CTNNA3: variants seen among roughly 807,000 people sequenced by gnomAD.
The protein encoded by CTNNA3 is catenin alpha 3, also known as catenin alpha-3.
A neutral mutation model predicts 95.7 loss-of-function variants in CTNNA3; 76 were observed. That is an observed-to-expected ratio of 0.79 (90% CI 0.66 to 0.96). The LOEUF (loss-of-function observed/expected upper bound fraction) is 0.96. Ranked by LOEUF, CTNNA3 falls within the 40% of genes least tolerant of loss-of-function variation. CTNNA3 has a pLI of 0.00. For synonymous variants in CTNNA3, 431 were observed against 374.4 expected (o/e 1.15, Z -1.74); for missense variants, 1,191 against 1,089.8 (o/e 1.09, Z -1.31).
intron 17 of CTNNA3, among the ~76,000 whole-genome samples, chr10:65,956,037 A>T (rs184729518): frequency 3.6e-4 from 55 of 152,152 alleles, no homozygotes; most frequent in African/African-American, 1.3e-3. Context: ...TTTGGTTGGT[A>T]TGCTATTAAT....
intron 9 of CTNNA3, among the ~76,000 whole-genome samples, chr10:66,747,350 G>C (rs1021952240): frequency 6.6e-5 from 10 of 152,150 alleles, no homozygotes; most frequent in Non-Finnish European, 1.3e-4. Context: ...ATGGTTAATA[G>C]CAGCCACACT....
intron 7 of CTNNA3, among the ~76,000 whole-genome samples, chr10:66,846,815 A>G (rs1423905817): frequency 1.3e-5 from 2 of 152,210 alleles, no homozygotes; most frequent in African/African-American, 4.8e-5. Flanking sequence ...GATACCAGGA[A>G]TATTATAAAT....
chr10:67,333,428 T>C (rs1193602425), intron 5 of CTNNA3, among the ~76,000 whole-genome samples: 1 of 152,232 alleles, frequency 6.6e-6, no homozygotes, highest in African/African-American at 2.4e-5. Flanking sequence ...TTTATGGTAA[T>C]TGCAGTTTTA....
chr10:67,337,221 C>T (rs1360679986), intron 5 of CTNNA3, among the ~76,000 whole-genome samples: 1 of 152,056 alleles, frequency 6.6e-6, no homozygotes, highest in African/African-American at 2.4e-5. Context: ...TCAGCATTAA[C>T]AGGAGTTTGG....
At chr10:67,032,231 T>C (rs1853771686) in intron 7 of CTNNA3, among the ~76,000 whole-genome samples, 1 of 152,136 alleles carries the variant, frequency 6.6e-6, no homozygotes, top group Non-Finnish European at 1.5e-5. Context: ...CTACTTTGAC[T>C]CCAGAACTGA....
At chr10:66,659,665 T>C (rs1440810872) in intron 9 of CTNNA3, among the ~76,000 whole-genome samples, 2 of 152,124 alleles carry the variant, frequency 1.3e-5, no homozygotes, top group Non-Finnish European at 2.9e-5. Flanking sequence ...CCCTCATGAA[T>C]GGGATTAGTG....
intron 7 of CTNNA3, among the ~76,000 whole-genome samples, chr10:66,899,625 G>A (rs1845644334): frequency 6.6e-6 from 1 of 152,034 alleles, no homozygotes; most frequent in Non-Finnish European, 1.5e-5. Context: ...GACTGTACCG[G>A]GAAAAACGGT....
Position 67,134,908 on chromosome 10 carries a change from T to C in CTNNA3, c.1047+45409A>G, listed in dbSNP as rs573686404. 2.0e-5 allele frequency among the ~76,000 whole-genome samples: 3 copies of C among 152,064 alleles called. No homozygotes were observed. The South Asian group carries it at 6.2e-4, about 32-fold the overall frequency. On this transcript the variant is annotated intron_variant, in intron 7 of 17. Transcript: ENST00000433211. ...GTAGACACAGAAGTAAAAGGCAAGG[T>C]GAGTGATTGCCCACTACCACCGCTG...
At chr10:66,865,667 C>T (rs1844146199) in intron 7 of CTNNA3, among the ~76,000 whole-genome samples, 1 of 151,896 alleles carries the variant, frequency 6.6e-6, no homozygotes, top group Non-Finnish European at 1.5e-5. Context: ...AAGATGTATT[C>T]ACACAAGATA....
At chr10:66,447,996 C>T (rs957374925) in intron 11 of CTNNA3, among the ~76,000 whole-genome samples, 7 of 152,030 alleles carry the variant, frequency 4.6e-5, no homozygotes, top group Non-Finnish European at 2.9e-5. Flanking sequence ...AACAAACAAC[C>T]CCATCAAAAA....
At chr10:67,739,074 T>A (rs1175817488) in intron 1 of CTNNA3, among the ~76,000 whole-genome samples, 1 of 152,022 alleles carries the variant, frequency 6.6e-6, no homozygotes, top group Non-Finnish European at 1.5e-5. Flanking sequence ...AACATTCAAA[T>A]TCAGGAAATA....
intron 3 of CTNNA3, among the ~76,000 whole-genome samples, chr10:67,597,109 CA>C (rs1842955158): frequency 6.6e-6 from 1 of 152,188 alleles, no homozygotes; most frequent in South Asian, 2.1e-4. Flanking sequence ...TCAGCTCTAT[CA>C]GATCAGTTTG....
At chr10:66,516,150 G>A (rs757396252) in intron 11 of CTNNA3, among the ~76,000 whole-genome samples, 1 of 151,510 alleles carries the variant, frequency 6.6e-6, no homozygotes, top group Non-Finnish European at 1.5e-5. Flanking sequence ...AAGATCTAGA[G>A]GGCCAGCTAG....
At chr10:67,530,705 A>G (rs1840298589) in intron 4 of CTNNA3, among the ~76,000 whole-genome samples, 1 of 152,238 alleles carries the variant, frequency 6.6e-6, no homozygotes, top group African/African-American at 2.4e-5. Flanking sequence ...AGAAATTTGC[A>G]TAAGTAATGA....
chr10:67,037,972 G>A (rs1414414867), intron 7 of CTNNA3, among the ~76,000 whole-genome samples: 2 of 152,014 alleles, frequency 1.3e-5, no homozygotes, highest in African/African-American at 4.8e-5. Context: ...TCATTAAGGG[G>A]ATTAACATGA....
intron 13 of CTNNA3, among the ~76,000 whole-genome samples, chr10:66,142,001 T>C (rs1211458970): frequency 6.6e-6 from 1 of 152,158 alleles, no homozygotes; most frequent in African/African-American, 2.4e-5. Flanking sequence ...AGCAGAAAGC[T>C]TACATTTTAA....
rs553195497 is a variant in CTNNA3, at chr10:66,961,554, G to T, written c.1048-186030C>A. Among the ~76,000 whole-genome samples the T allele has an allele frequency of 1.8e-3, 278 of 152,060 alleles. 1 individual carries two copies. The highest frequency in any genetic ancestry group is 3.5e-3 in the Non-Finnish European group (240 of 67,966). ...ACCTCTTAATGTTGGGGTGTCCCAG[G>T]TTAGCCCTTGGACCTTCTCTTTTGT... On this transcript the variant is annotated intron_variant, in intron 7 of 17. Transcript: ENST00000433211.
At chr10:67,258,834 T>G (rs1866464458) in intron 5 of CTNNA3, among the ~76,000 whole-genome samples, 1 of 152,208 alleles carries the variant, frequency 6.6e-6, no homozygotes, top group Non-Finnish European at 1.5e-5. Context: ...ATGTTTGTCC[T>G]TCGTACCAGA....
At chr10:66,344,335 C>G (rs897497068) in intron 12 of CTNNA3, among the ~76,000 whole-genome samples, 2 of 151,480 alleles carry the variant, frequency 1.3e-5, no homozygotes, top group Non-Finnish European at 3.0e-5. Context: ...GGCGTGATCT[C>G]AGCTCACTGC....
Sources: allele counts gnomAD v4.1 joint callset (sites outside exome capture counted in the v4.1 genomes callset), GRCh38; gene constraint gnomAD v4.1.1; transcripts MANE v1.5; gene names NCBI Gene and HGNC (gene_info 2026-07-23, HGNC 2026-07-21).